TTC38: variants seen among roughly 807,000 people sequenced by gnomAD.
The protein encoded by TTC38 is tetratricopeptide repeat protein 38.
TTC38 carries 64 observed loss-of-function variants against 64.2 expected under a neutral mutation model. That is an observed-to-expected ratio of 1.00 (90% CI 0.81 to 1.23). TTC38 has a LOEUF of 1.23. Ranked by LOEUF, TTC38 falls within the 50% of genes most tolerant of loss-of-function variation. The pLI is 0.00. For missense variants in TTC38, 573 were observed against 615.5 expected (o/e 0.93, Z 0.73); for synonymous variants, 254 against 249.3 (o/e 1.02, Z -0.18).
At position 46,275,632 on chromosome 22, in the gene TTC38, G is replaced by T. The variant is rs1193534955; in HGVS notation, c.539+211G>T. Among the ~76,000 whole-genome samples, 3 of 152,104 alleles carry T rather than the reference G, an allele frequency of 2.0e-5. No homozygotes were observed. The highest frequency in any genetic ancestry group is 4.4e-5 in the Non-Finnish European group (3 of 68,030). ...GTACCATTATGTATCAGTCAGCATGGGATTGTTTTTGCTGCAGTAATAAAC... is the reference window on the plus strand; with the variant it reads ...GTACCATTATGTATCAGTCAGCATGTGATTGTTTTTGCTGCAGTAATAAAC... On this transcript the variant is annotated intron_variant, in intron 5 of 13. Transcript: ENST00000381031. This position sits in a 1 kb window ranked among gnomAD's most constrained non-coding sequence, Gnocchi z 4.5.
chr22:46,269,975 G>A (rs910727270), intron 2 of TTC38, among the ~76,000 whole-genome samples: 3 of 152,140 alleles, frequency 2.0e-5, no homozygotes, highest in Non-Finnish European at 2.9e-5. Context: ...TGTATCTTTA[G>A]TAGAGACGGG....
rs61737824 is a variant in TTC38, at chr22:46,289,419, G to T, written c.1100G>T (p.Cys367Phe). ...RDASESPGEN[C>F]QHLLARDVGL... ...GTTCGCAGATCCCCAGGGGAGAACT[G>T]CCAGCACCTCCTGGCCCGAGACGTG... The change falls in exon 12 of 14, where the codon TGC (cysteine) becomes TTC (phenylalanine). Residue 367 changes from cysteine (C) to phenylalanine (F), a missense_variant. Transcript: ENST00000381031. 6.2e-7 allele frequency: 1 copy of T among 1,609,240 alleles called. No homozygotes were observed. Among genetic ancestry groups the T allele is most frequent in the South Asian group, 1.1e-5 (1 of 90,998 alleles).
chr22:46,292,261 G>A lies in TTC38; in HGVS notation c.1317-530G>A. On this transcript the variant is annotated intron_variant, in intron 13 of 13. Coordinates refer to ENST00000381031, the MANE Select transcript of TTC38 (RefSeq NM_017931.4). This position sits in a 1 kb window ranked among gnomAD's most constrained non-coding sequence, Gnocchi z 6.5. ...TGCAGTGGTGTGATCACAGTTCACTGTAAACTCAAACTCCTGGGCTCAAGG... is the reference window on the plus strand; with the variant it reads ...TGCAGTGGTGTGATCACAGTTCACTATAAACTCAAACTCCTGGGCTCAAGG... 2.3e-6 allele frequency: 1 copy of A among 441,242 alleles called. No homozygotes were observed. The highest frequency in any genetic ancestry group is 2.4e-5 in the Admixed American group (1 of 40,856). The allele number at this position is 441,242 out of a possible 1,614,324, so 27.3% of individuals were successfully genotyped here.
chr22:46,285,466 G>A (rs1293546628), intron 9 of TTC38, among the ~76,000 whole-genome samples, 187 bp downstream of exon 9: 4 of 152,186 alleles, frequency 2.6e-5, no homozygotes, highest in African/African-American at 9.7e-5. Flanking sequence ...TGCCTATGAT[G>A]GGGACAGTGG....
rs1370167855 is a variant in TTC38, at chr22:46,281,998, C to T, written c.735+280C>T. 7 of 585,496 alleles carry T rather than the reference C, an allele frequency of 1.2e-5. No homozygotes were observed. The highest frequency in any genetic ancestry group is 2.2e-5 in the Admixed American group (1 of 45,668). 36.3% of individuals were successfully genotyped at this position (585,496 alleles called of 1,614,324 possible). The stretch of plus-strand genomic sequence containing the variant: ...CCTGGTCAGGAGGAGCGAGCAGCCT[C>T]TTCAAAGCACATGAGCTGCACCATG... On this transcript the variant is annotated intron_variant, in intron 7 of 13. Transcript: ENST00000381031. The surrounding 1 kb of genome is among the most constrained non-coding windows in gnomAD (Gnocchi z 5.2).
Position 46,276,840 on chromosome 22 carries a change from T to TATATATATATATATATAA in TTC38, c.539+1420_539+1421insTATATATATATATATAAA, listed in dbSNP as rs930283302. On this transcript the variant is annotated intron_variant, in intron 5 of 13. Transcript: ENST00000381031. The surrounding 1 kb of genome is among the most constrained non-coding windows in gnomAD (Gnocchi z 4.7). ...TATATATTAAATATATATATATATATAAACATATATATATATAAAAAATAC... is the reference window on the plus strand; with the variant it reads ...TATATATTAAATATATATATATATATATATATATATATATATAAAAACATATATATATATAAAAAATAC... Among the ~76,000 whole-genome samples the TATATATATATATATATAA allele has an allele frequency of 6.5e-5, 9 of 137,898 alleles. No individual in the cohort carries two copies. The highest frequency in any genetic ancestry group is 1.5e-4 in the African/African-American group (5 of 33,688). The allele number at this position is 137,898 out of a possible 152,430, so 90.5% of individuals were successfully genotyped here. A position where few individuals can be genotyped will look rare whatever the true frequency, so the allele number is the denominator to read the frequency against.
In TTC38 at chr22:46,270,206, T is replaced by C. The variant is rs1393738476; in HGVS notation, c.111+1615T>C. Among the ~76,000 whole-genome samples, 1 of 152,210 alleles carries C rather than the reference T, an allele frequency of 6.6e-6. No individual in the cohort carries two copies. Among genetic ancestry groups the C allele is most frequent in the Non-Finnish European group, 1.5e-5 (1 of 68,036 alleles). ...CTCTGTGCTGTCCTGTGTTAGAACT[T>C]GGCTTCTTTAAATCTCTGTGCCAAC... On this transcript the variant is annotated intron_variant, in intron 2 of 13. Transcript: ENST00000381031. This position sits in a 1 kb window ranked among gnomAD's most constrained non-coding sequence, Gnocchi z 4.7.
At chr22:46,284,183 T>A in intron 8 of TTC38, 151 bp downstream of exon 8, 1 of 646,360 alleles carries the variant, frequency 1.5e-6, no homozygotes, top group Non-Finnish European at 2.7e-6. Context: ...GCTTCAACCT[T>A]TTTAGGGATT....
At position 46,281,649 on chromosome 22, in the gene TTC38, C is replaced by A. The variant is rs746393318; in HGVS notation, c.666C>A (p.His222Gln). 6.2e-7 allele frequency: 1 copy of A among 1,614,206 alleles called. No homozygotes were observed. The change falls in exon 7 of 14, where the codon CAC becomes CAA. Residue 222 changes from histidine to glutamine, a missense_variant. Transcript: ENST00000381031. The surrounding 1 kb of genome is among the most constrained non-coding windows in gnomAD (Gnocchi z 5.2). ...CATGGTCGGTGCACACCGTCGCTCA[C>A]ATCCACGAGATGAAAGCAGAGATCA... Reference protein sequence around the residue: ...TDAWSVHTVAHIHEMKAEIKD... With the variant: ...TDAWSVHTVAQIHEMKAEIKD...
At chr22:46,287,908 G>A (rs1399520312) in intron 10 of TTC38, among the ~76,000 whole-genome samples, 1 of 152,228 alleles carries the variant, frequency 6.6e-6, no homozygotes, top group Non-Finnish European at 1.5e-5. Context: ...AAAGCTACCG[G>A]GACATAGAAG....
Position 46,285,606 on chromosome 22 carries a change from A to AT in TTC38, c.834+341dup, listed in dbSNP as rs113178433. Among the ~76,000 whole-genome samples the AT allele has an allele frequency of 2.9e-3, 421 of 145,854 alleles. 2 individuals carry two copies. Among genetic ancestry groups the AT allele is most frequent in the African/African-American group, 6.7e-3 (269 of 40,094 alleles). On this transcript the variant is annotated intron_variant, in intron 9 of 13. Transcript: ENST00000381031. ...TAAGACAACTGGTCTACCCATAGGA[A>AT]TTTTTTTTTTTTTTGAGACAGAGTT...
Position 46,292,491 on chromosome 22 carries a change from C to A in TTC38, c.1317-300C>A, listed in dbSNP as rs372528409. ...TTAGCCTGGACACAGACATTCAGTC[C>A]ACAGCAGGGTCTTTACCTCAAACCG... On this transcript the variant is annotated intron_variant, in intron 13 of 13. Transcript: ENST00000381031. The surrounding 1 kb of genome is among the most constrained non-coding windows in gnomAD (Gnocchi z 6.5). Among the ~76,000 whole-genome samples, 11 of 152,360 alleles carry A rather than the reference C, an allele frequency of 7.2e-5. No individual in the cohort carries two copies. In the East Asian group the frequency reaches 1.5e-3, roughly 21 times the overall value.
chr22:46,283,968 T>TAA lies in TTC38; in HGVS notation c.736-5_736-4insAA. 6.4e-7 allele frequency: 1 copy of TAA among 1,561,470 alleles called. No homozygotes were observed. Among genetic ancestry groups the TAA allele is most frequent in the Non-Finnish European group, 8.7e-7 (1 of 1,149,060 alleles). On this transcript the variant is annotated splice_polypyrimidine_tract_variant and splice_region_variant and intron_variant, in intron 7 of 13. Coordinates refer to ENST00000381031, the MANE Select transcript of TTC38 (RefSeq NM_017931.4). The stretch of plus-strand genomic sequence containing the variant: ...CATAAATTCTCTTTTTTTTTTTTTC[T>TAA]CCAGGACTCTGATATGTTGGCTTGT...
At chr22:46,287,509 C>T (rs2077580496) in intron 10 of TTC38, among the ~76,000 whole-genome samples, 1 of 152,260 alleles carries the variant, frequency 6.6e-6, no homozygotes, top group African/African-American at 2.4e-5. Context: ...ATGCCACCTC[C>T]TTTCCTAAAA....
Position 46,271,795 on chromosome 22 carries a change from G to A in TTC38, c.112-540G>A, listed in dbSNP as rs1034487803. Among the ~76,000 whole-genome samples the A allele has an allele frequency of 1.3e-5, 2 of 152,176 alleles. No individual in the cohort carries two copies. Among genetic ancestry groups the A allele is most frequent in the African/African-American group, 2.4e-5 (1 of 41,444 alleles). On this transcript the variant is annotated intron_variant, in intron 2 of 13. Transcript: ENST00000381031. The surrounding 1 kb of genome is among the most constrained non-coding windows in gnomAD (Gnocchi z 5.5). ...CAAAGTACTGGGATTACAGGCGTGAGCCATCGCGCCCAGCCAGAACCTGCC... is the reference window on the plus strand; with the variant it reads ...CAAAGTACTGGGATTACAGGCGTGAACCATCGCGCCCAGCCAGAACCTGCC...
chr22:46,276,945 C>A lies in TTC38; in HGVS notation c.539+1524C>A, dbSNP rs1234541648. Among the ~76,000 whole-genome samples, 1 of 149,884 alleles carries A rather than the reference C, an allele frequency of 6.7e-6. No individual in the cohort carries two copies. Among genetic ancestry groups the A allele is most frequent in the African/African-American group, 2.5e-5 (1 of 40,622 alleles). ...AGCCAAATTGACAGATAAAAATTAA[C>A]CGTCATGAAACCTAATAGTACCTGA... On this transcript the variant is annotated intron_variant, in intron 5 of 13. Transcript: ENST00000381031. This position sits in a 1 kb window ranked among gnomAD's most constrained non-coding sequence, Gnocchi z 4.7.
intron 8 of TTC38, among the ~76,000 whole-genome samples, chr22:46,284,853 A>G (rs2077559746): frequency 7.8e-6 from 1 of 128,588 alleles, no homozygotes; most frequent in African/African-American, 2.9e-5. Flanking sequence ...TGGGTGACAG[A>G]GTGAGACCCC....
chr22:46,289,756 C>A (rs776484362), intron 12 of TTC38, 70 bp from the exon 13 acceptor site: 14 of 1,557,092 alleles, frequency 9.0e-6, no homozygotes, highest in Non-Finnish European at 1.2e-5. Flanking sequence ...GCAGGCAGCC[C>A]GCGGTGGGCG....
Position 46,273,282 on chromosome 22 carries a change from C to T in TTC38, c.194-616C>T, listed in dbSNP as rs1298835042. On this transcript the variant is annotated intron_variant, in intron 3 of 13. Coordinates refer to ENST00000381031, the MANE Select transcript of TTC38 (RefSeq NM_017931.4). This position sits in a 1 kb window ranked among gnomAD's most constrained non-coding sequence, Gnocchi z 5.1. Reference sequence around the variant, plus strand: ...GGAATCACCAGCTGTTTTCCAGGGTCCACATGGGTGGTCCTAGCACACTAT... The same window carrying T: ...GGAATCACCAGCTGTTTTCCAGGGTTCACATGGGTGGTCCTAGCACACTAT... 6.6e-6 allele frequency among the ~76,000 whole-genome samples: 1 copy of T among 152,154 alleles called. No individual in the cohort carries two copies. Among genetic ancestry groups the T allele is most frequent in the Non-Finnish European group, 1.5e-5 (1 of 68,022 alleles).
Sources: allele counts gnomAD v4.1 joint callset (sites outside exome capture counted in the v4.1 genomes callset), GRCh38; gene constraint gnomAD v4.1.1; non-coding constraint Gnocchi (gnomAD v3.1); transcripts MANE v1.5; gene names NCBI Gene and HGNC (gene_info 2026-07-23, HGNC 2026-07-21).